POLL: variants seen among roughly 807,000 people sequenced by gnomAD.
The protein encoded by POLL is DNA polymerase lambda.
POLL carries 44 observed loss-of-function variants against 58.1 expected under a neutral mutation model. The ratio of observed to expected loss-of-function variants is 0.76; its 90% CI spans 0.60 to 0.97. The LOEUF is 0.97. POLL is among the 50% of genes least tolerant of loss of function. POLL has a pLI of 0.00. For synonymous variants in POLL, 290 were observed against 283.2 expected, an observed-to-expected ratio of 1.02 and a Z score of -0.24; for missense variants, 632 against 736.8, an observed-to-expected ratio of 0.86 and a Z score of 1.65.
In POLL at chr10:101,583,666, G is replaced by T. The variant is rs142726673; in HGVS notation, c.907C>A (p.Pro303Thr). Residue 303 changes from proline to threonine, a missense_variant, in exon 6 of 9, where the codon CCT (proline) becomes ACT (threonine). Transcript: ENST00000370162. ...TCAGCCATCCGCTTCCCAATCCCAG[G>T]GATACTGCAGGCCTCCTAGAGGAGG... ...VTSYQEACSI[P>T]GIGKRMAEKI... The T allele has an allele frequency of 8.7e-6, 14 of 1,614,096 alleles. No homozygotes were observed. Among genetic ancestry groups the T allele is most frequent in the Non-Finnish European group, 1.2e-5 (14 of 1,180,010 alleles).
Position 101,587,278 on chromosome 10 carries a change from A to G in POLL, c.83T>C (p.Ile28Thr), listed in dbSNP as rs769991370. The change falls in exon 2 of 9, where the codon ATT becomes ACT. Residue 28 changes from isoleucine (I) to threonine (T), a missense_variant. Coordinates refer to ENST00000370162, the MANE Select transcript of POLL (RefSeq NM_001174084.2). ...TTCTTCTCCCTCTTCCCTCCTAGGA[A>G]TCTTTGCAAGTACTTTTGATGATGC... The part of the protein sequence containing the change: ...ADASSKVLAK[I>T]PRREEGEEAE... 6 of 1,614,020 alleles carry G rather than the reference A, an allele frequency of 3.7e-6. No homozygotes were observed. The African/African-American group carries it at 4.0e-5, about 11-fold the overall frequency.
In POLL at chr10:101,584,865, C is replaced by A; in HGVS notation, c.628G>T (p.Asp210Tyr). 1.4e-6 allele frequency: 2 copies of A among 1,471,192 alleles called. No individual in the cohort carries two copies. The highest frequency in any genetic ancestry group is 1.5e-5 in the South Asian group (1 of 66,810). 91.1% of individuals were successfully genotyped at this position (1,471,192 alleles called of 1,614,324 possible). ...TGGCCACTGATGAGGGCTTCCAGAT[C>A]AGCTGCACTAACCTGGGTTTCTTCC... ...DGEETQVSAA[D>Y]LEALISGHYP... Residue 210 changes from aspartate (D) to tyrosine (Y), a missense_variant, in exon 5 of 9, where the codon GAT (aspartate) becomes TAT (tyrosine). By Grantham distance (160) the Asp-to-Tyr change is radical. Coordinates refer to ENST00000370162, the MANE Select transcript of POLL (RefSeq NM_001174084.2).
At chr10:101,584,978 T>A in intron 4 of POLL, 59 bp from the exon 5 acceptor site, 1 of 813,590 alleles carries the variant, frequency 1.2e-6, no homozygotes, top group Non-Finnish European at 1.6e-6. Context: ...AAGGGATCCT[T>A]AAAGGTGGGG....
Position 101,585,719 on chromosome 10 carries a change from A to G in POLL, c.410+143T>C, listed in dbSNP as rs2063289224. On this transcript the variant is annotated intron_variant, in intron 3 of 8. Transcript: ENST00000370162. ...CCTGGCTCAATCAATCCTCCCACCTAAACCTCTTATAGCTGGGACTACAGG... is the reference window on the plus strand; with the variant it reads ...CCTGGCTCAATCAATCCTCCCACCTGAACCTCTTATAGCTGGGACTACAGG... 4 of 816,288 alleles carry G rather than the reference A, an allele frequency of 4.9e-6. No individual in the cohort carries two copies. In the East Asian group the frequency reaches 1.1e-4, roughly 22 times the overall value. 50.6% of individuals were successfully genotyped at this position (816,288 alleles called of 1,614,324 possible).
chr10:101,584,990 T>C, intron 4 of POLL, 71 bp from the exon 5 acceptor site: 5 of 686,906 alleles, frequency 7.3e-6, no homozygotes, highest in Non-Finnish European at 1.0e-5. Flanking sequence ...AAGGTGGGGG[T>C]CATCTTCTTT....
chr10:101,580,731 T>A lies in POLL; in HGVS notation c.1195-315A>T. ...AGAGTAGGGAGACACAGACTCTCTC[T>A]GCCCCTGCCCCAGCCCACGTGCCCA... On this transcript the variant is annotated intron_variant, in intron 7 of 8. Coordinates refer to ENST00000370162, the MANE Select transcript of POLL (RefSeq NM_001174084.2). The surrounding 1 kb of genome is among the most constrained non-coding windows in gnomAD (Gnocchi z 4.1). The A allele has an allele frequency of 3.9e-6, 1 of 254,570 alleles. No homozygotes were observed. Among genetic ancestry groups the A allele is most frequent in the Non-Finnish European group, 7.5e-6 (1 of 133,756 alleles). 15.8% of individuals were successfully genotyped at this position (254,570 alleles called of 1,614,324 possible).
chr10:101,580,520 GC>G lies in POLL; in HGVS notation c.1195-105del. ...ACTCGGGCCCACACCCTCAGCTTAT[GC>G]CCATTCCAGATGCCTGCTGCAAGCC... On this transcript the variant is annotated intron_variant, in intron 7 of 8. Transcript: ENST00000370162. This position sits in a 1 kb window ranked among gnomAD's most constrained non-coding sequence, Gnocchi z 4.1. The G allele has an allele frequency of 1.0e-6, 1 of 998,034 alleles. No homozygotes were observed. The highest frequency in any genetic ancestry group is 1.5e-6 in the Non-Finnish European group (1 of 670,708). 61.8% of individuals were successfully genotyped at this position (998,034 alleles called of 1,614,324 possible).
rs764077761 is a variant in POLL, at chr10:101,582,909, G to T, written c.1066-18C>A. ...CGGAAGCCCTGGAAAAAAGCAGCCAGATGGGAAGCTGTAAGGATCCAGGAC... is the reference window on the plus strand; with the variant it reads ...CGGAAGCCCTGGAAAAAAGCAGCCATATGGGAAGCTGTAAGGATCCAGGAC... On this transcript the variant is annotated intron_variant, in intron 6 of 8. Transcript: ENST00000370162. 1.2e-6 allele frequency: 2 copies of T among 1,614,164 alleles called. No individual in the cohort carries two copies. The highest frequency in any genetic ancestry group is 1.1e-5 in the South Asian group (1 of 91,086).
At chr10:101,587,448 G>C (rs1156276047) in intron 1 of POLL, 42 bp from the exon 2 acceptor site, 1 of 1,591,144 alleles carries the variant, frequency 6.3e-7, no homozygotes, top group African/African-American at 1.3e-5. Context: ...CAACCCCTTT[G>C]CCTATGGAGG....
Position 101,580,209 on chromosome 10 carries a change from C to T in POLL, c.1363+39G>A, listed in dbSNP as rs368331888. 3.9e-5 allele frequency: 61 copies of T among 1,579,708 alleles called. No individual in the cohort carries two copies. In the African/African-American group the frequency reaches 7.9e-4, roughly 21 times the overall value. On this transcript the variant is annotated intron_variant, in intron 8 of 8. Coordinates refer to ENST00000370162, the MANE Select transcript of POLL (RefSeq NM_001174084.2). The surrounding 1 kb of genome is among the most constrained non-coding windows in gnomAD (Gnocchi z 4.1). ...TGAGGGGGCCCCCAGACCTGTGCTG[C>T]CCTCTGTCAACCTGCTCACCCAGAG... is the stretch of plus-strand genomic sequence containing the variant.
In POLL at chr10:101,585,508, A is replaced by G. The variant is rs764348896; in HGVS notation, c.411-30T>C. The G allele has an allele frequency of 6.7e-6, 10 of 1,489,922 alleles. No homozygotes were observed. In the South Asian group the frequency reaches 1.4e-4, roughly 21 times the overall value. The allele number at this position is 1,489,922 out of a possible 1,614,324, so 92.3% of individuals were successfully genotyped here. Reference sequence around the variant, plus strand: ...GGGGATGGTGATGGGAGGTTAAGACACCAAAGGTCTCACCCTGTATCTGTC... The same window carrying G: ...GGGGATGGTGATGGGAGGTTAAGACGCCAAAGGTCTCACCCTGTATCTGTC... On this transcript the variant is annotated intron_variant, in intron 3 of 8. Transcript: ENST00000370162.
intron 7 of POLL, 145 bp downstream of exon 7, chr10:101,582,618 A>T: frequency 1.2e-6 from 1 of 824,930 alleles, no homozygotes; most frequent in Non-Finnish European, 2.0e-6. Context: ...CTTCAGTCTT[A>T]ACTTGCTCTG....
Position 101,588,036 on chromosome 10 carries a change from G to A in POLL, c.-261C>T, listed in dbSNP as rs1260000183. The A allele has an allele frequency of 7.8e-6, 11 of 1,403,786 alleles. No homozygotes were observed. The highest frequency in any genetic ancestry group is 1.0e-5 in the Non-Finnish European group (11 of 1,063,198). 87.0% of individuals were successfully genotyped at this position (1,403,786 alleles called of 1,614,324 possible). ...CCCGGGCAGGTGCGGTGTACTCGCC[G>A]TGTACGCAGCTGGCGCAGGCCAGGG... On this transcript the variant is annotated 5_prime_UTR_variant, in exon 1 of 9. The change creates a new upstream start codon in the 5' untranslated region. Transcript: ENST00000370162.
chr10:101,580,276 G>A lies in POLL; in HGVS notation c.1335C>T (p.Ser445=). ...PDGRSHRGIF[S]RLLDSLRQEG... ...CCTGCCGAAGACTGTCAAGGAGGCGGCTGAAGATACCCCGGTGGGACCGGC... is the reference window on the plus strand; with the variant it reads ...CCTGCCGAAGACTGTCAAGGAGGCGACTGAAGATACCCCGGTGGGACCGGC... The change falls in exon 8 of 9, where the codon AGC becomes AGT. Residue 445 remains serine (S), a synonymous_variant. Transcript: ENST00000370162. This position sits in a 1 kb window ranked among gnomAD's most constrained non-coding sequence, Gnocchi z 4.1. The A allele has an allele frequency of 6.2e-7, 1 of 1,613,902 alleles. No individual in the cohort carries two copies.
In POLL at chr10:101,580,483, G is replaced by A; in HGVS notation, c.1195-67C>T. ...GAGCTCCTCTCCCACAGCAGTACAA[G>A]GGCCTTCCCAGACTCGGGCCCACAC... On this transcript the variant is annotated intron_variant, in intron 7 of 8. Coordinates refer to ENST00000370162, the MANE Select transcript of POLL (RefSeq NM_001174084.2). This position sits in a 1 kb window ranked among gnomAD's most constrained non-coding sequence, Gnocchi z 4.1. 1 of 1,450,292 alleles carries A rather than the reference G, an allele frequency of 6.9e-7. No individual in the cohort carries two copies. The highest frequency in any genetic ancestry group is 9.5e-7 in the Non-Finnish European group (1 of 1,049,996). The allele number at this position is 1,450,292 out of a possible 1,614,324, so 89.8% of individuals were successfully genotyped here.
In POLL at chr10:101,588,035, C is replaced by T. The variant is rs1189301516; in HGVS notation, c.-260G>A. On this transcript the variant is annotated 5_prime_UTR_variant, in exon 1 of 9. Coordinates refer to ENST00000370162, the MANE Select transcript of POLL (RefSeq NM_001174084.2). Reference sequence around the variant, plus strand: ...TCCCGGGCAGGTGCGGTGTACTCGCCGTGTACGCAGCTGGCGCAGGCCAGG... The same window carrying T: ...TCCCGGGCAGGTGCGGTGTACTCGCTGTGTACGCAGCTGGCGCAGGCCAGG... 3 of 1,403,954 alleles carry T rather than the reference C, an allele frequency of 2.1e-6. No individual in the cohort carries two copies. In the South Asian group the frequency reaches 3.7e-5, roughly 17 times the overall value. The allele number at this position is 1,403,954 out of a possible 1,614,324, so 87.0% of individuals were successfully genotyped here.
Position 101,585,340 on chromosome 10 carries a change from T to C in POLL, c.549A>G (p.Lys183=), listed in dbSNP as rs1293939347. 12 of 1,584,862 alleles carry C rather than the reference T, an allele frequency of 7.6e-6. No homozygotes were observed. Among genetic ancestry groups the C allele is most frequent in the Middle Eastern group, 1.7e-4 (1 of 5,888 alleles). The change falls in exon 4 of 9, where the codon AAA becomes AAG. Residue 183 remains lysine, a synonymous_variant. Transcript: ENST00000370162. ...CCTGGGCTTGGGTGTTTGGTGCCTCTTTTGCCTTTTGGGGAGGAGACACAG... is the reference window on the plus strand; with the variant it reads ...CCTGGGCTTGGGTGTTTGGTGCCTCCTTTGCCTTTTGGGGAGGAGACACAG... ...TRPVSPPQKA[K]EAPNTQAQPI... is the part of the protein sequence containing the mutation.
At chr10:101,584,978 T>G in intron 4 of POLL, 59 bp from the exon 5 acceptor site, 23 of 813,544 alleles carry the variant, frequency 2.8e-5, no homozygotes, top group Non-Finnish European at 3.6e-5. Context: ...AAGGGATCCT[T>G]AAAGGTGGGG....
chr10:101,583,142 T>C (rs1564867349), intron 6 of POLL: 2 of 599,184 alleles, frequency 3.3e-6, no homozygotes. Flanking sequence ...AGGATGGACC[T>C]TGTCATCTTC....
Sources: gnomAD v4.1 joint callset for allele counts on GRCh38, gnomAD v4.1.1 for gene constraint, Gnocchi (gnomAD v3.1) non-coding constraint, MANE v1.5 for transcripts, NCBI Gene and HGNC (gene_info 2026-07-23, HGNC 2026-07-21) for gene names.